IQGAP2: variants seen among roughly 807,000 people sequenced by gnomAD.
The protein encoded by IQGAP2 is ras GTPase-activating-like protein IQGAP2.
IQGAP2 carries 173 observed loss-of-function variants against 201.3 expected under a neutral mutation model. That is an observed-to-expected ratio of 0.86 (90% CI 0.76 to 0.98). IQGAP2 has a LOEUF of 0.98. IQGAP2 is among the 50% of genes least tolerant of loss of function. The pLI, the probability that IQGAP2 is intolerant of heterozygous loss-of-function variation, is 0.00. For missense variants in IQGAP2, 1,687 were observed against 1,864.8 expected, an observed-to-expected ratio of 0.90 and a Z score of 1.76; for synonymous variants, 675 against 673.9, an observed-to-expected ratio of 1.00 and a Z score of -0.03.
At chr5:76,459,325 A>G (rs749027395) in intron 1 of IQGAP2, among the ~76,000 whole-genome samples, 6 of 152,050 alleles carry the variant, frequency 3.9e-5, no homozygotes, top group Non-Finnish European at 8.8e-5. Context: ...GTGCAGCAGC[A>G]TAGGAAAGAT....
chr5:76,432,384 C>A (rs949450414), intron 1 of IQGAP2, among the ~76,000 whole-genome samples: 1 of 152,176 alleles, frequency 6.6e-6, no homozygotes, highest in East Asian at 1.9e-4. Flanking sequence ...CTCAGCTTCG[C>A]AAAGTTCTGG....
intron 35 of IQGAP2, among the ~76,000 whole-genome samples, chr5:76,703,442 C>T (rs532621662): frequency 6.6e-6 from 1 of 152,206 alleles, no homozygotes; most frequent in South Asian, 2.1e-4. Context: ...AGGCATTAGC[C>T]ACCACACCTG....
chr5:76,493,733 T>C (rs994159185), intron 2 of IQGAP2, among the ~76,000 whole-genome samples: 2 of 152,328 alleles, frequency 1.3e-5, no homozygotes, highest in Non-Finnish European at 2.9e-5. Flanking sequence ...TCTAGAACAG[T>C]GCCTGGTACA....
chr5:76,485,758 C>A (rs1260164783), intron 2 of IQGAP2, among the ~76,000 whole-genome samples: 2 of 152,184 alleles, frequency 1.3e-5, no homozygotes, highest in South Asian at 2.1e-4. Context: ...TACAGCCCCC[C>A]AGGTGTGGCT....
At chr5:76,471,464 T>C (rs752638921) in intron 2 of IQGAP2, among the ~76,000 whole-genome samples, 77 of 151,814 alleles carry the variant, frequency 5.1e-4, no homozygotes, top group Non-Finnish European at 9.0e-4. Context: ...CCATTGGCTA[T>C]ATTGGTGAGT....
At chr5:76,694,888 G>T (rs1260079627) in intron 31 of IQGAP2, among the ~76,000 whole-genome samples, 1 of 152,068 alleles carries the variant, frequency 6.6e-6, no homozygotes, top group Admixed American at 6.5e-5. Flanking sequence ...TCATCGTTTG[G>T]GAATTTATAA....
chr5:76,437,619 G>A (rs543101345), intron 1 of IQGAP2, among the ~76,000 whole-genome samples: 10 of 152,252 alleles, frequency 6.6e-5, no homozygotes, highest in East Asian at 3.9e-4. Context: ...AAGTGAGAAC[G>A]TGTGGTGTTT....
chr5:76,656,079 G>A (rs1173147963), intron 20 of IQGAP2, among the ~76,000 whole-genome samples: 3 of 152,112 alleles, frequency 2.0e-5, no homozygotes, highest in Admixed American at 6.5e-5. Context: ...ATCTAGGGAC[G>A]CTTGAAGTCC....
At chr5:76,481,149 A>G (rs1347967172) in intron 2 of IQGAP2, among the ~76,000 whole-genome samples, 1 of 152,146 alleles carries the variant, frequency 6.6e-6, no homozygotes, top group Non-Finnish European at 1.5e-5. Context: ...GTTTCAACAT[A>G]TGAATTTGGG....
chr5:76,688,331 G>C (rs1745968642), intron 30 of IQGAP2, among the ~76,000 whole-genome samples: 1 of 152,316 alleles, frequency 6.6e-6, no homozygotes, highest in Middle Eastern at 3.4e-3. Context: ...AATGTCACTA[G>C]TTTTCCAGTC....
intron 1 of IQGAP2, among the ~76,000 whole-genome samples, chr5:76,405,153 T>G (rs1750726780): frequency 6.6e-6 from 1 of 152,236 alleles, no homozygotes; most frequent in South Asian, 2.1e-4. Context: ...GAGCAATAAA[T>G]AGTGCAAAAT....
At chr5:76,526,327 C>CA (rs768515012) in intron 2 of IQGAP2, among the ~76,000 whole-genome samples, 5 of 152,196 alleles carry the variant, frequency 3.3e-5, no homozygotes, top group African/African-American at 4.8e-5. Context: ...ACACTTGCTA[C>CA]ACTTGCTGAG....
At chr5:76,424,932 C>T in intron 1 of IQGAP2, among the ~76,000 whole-genome samples, 1 of 152,298 alleles carries the variant, frequency 6.6e-6, no homozygotes, top group East Asian at 1.9e-4. Flanking sequence ...GAAGAGGAGA[C>T]AGGCTGTGCC....
intron 29 of IQGAP2, 138 bp downstream of exon 29, chr5:76,683,355 A>C (rs1745471288): frequency 1.7e-6 from 1 of 580,632 alleles, no homozygotes; most frequent in African/African-American, 1.9e-5. Context: ...AAGAATAACA[A>C]CTACACTTGC....
At chr5:76,438,698 C>A (rs557429144) in intron 1 of IQGAP2, among the ~76,000 whole-genome samples, 71 of 152,170 alleles carry the variant, frequency 4.7e-4, no homozygotes, top group Admixed American at 4.6e-4. Context: ...CCACCTTGGC[C>A]TCCCAAAGTG....
Position 76,701,134 on chromosome 5 carries a change from G to A in IQGAP2, c.4426G>A (p.Ala1476Thr). The A allele has an allele frequency of 1.2e-6, 2 of 1,614,206 alleles. No homozygotes were observed. The highest frequency in any genetic ancestry group is 1.7e-6 in the Non-Finnish European group (2 of 1,179,988). ...GKGEPKGAKR[A>T]KPVKYTAAKL... ...AGGAGAACCCAAAGGGGCGAAGAGAGCGAAGCCAGTGAAGTACACTGCAGC... is the reference window on the plus strand; with the variant it reads ...AGGAGAACCCAAAGGGGCGAAGAGAACGAAGCCAGTGAAGTACACTGCAGC... The change falls in exon 34 of 36, where the codon GCG becomes ACG. Residue 1476 changes from alanine to threonine, a missense_variant. Transcript: ENST00000274364.
At position 76,611,067 on chromosome 5, in the gene IQGAP2, C is replaced by T. The variant is rs1748362321; in HGVS notation, c.1405C>T (p.Pro469Ser). The T allele has an allele frequency of 6.2e-7, 1 of 1,613,626 alleles. No homozygotes were observed. The highest frequency in any genetic ancestry group is 1.7e-5 in the Admixed American group (1 of 59,956). Residue 469 changes from proline (P) to serine (S), a missense_variant, in exon 13 of 36, where the codon CCT (proline) becomes TCT (serine). Physicochemically the swap from Pro to Ser is moderately conservative, Grantham distance 74 (BLOSUM62 -1). Transcript: ENST00000274364. ...YINEAIDEGNPLRTLETLLLP... is the reference protein window; with the variant it reads ...YINEAIDEGNSLRTLETLLLP... ...CAATGAAGCTATTGATGAAGGGAAT[C>T]CTTTGAGGACTTTAGAAACTTTGCT...
chr5:76,509,984 C>CTTTTTTTTT (rs11331690), intron 2 of IQGAP2, among the ~76,000 whole-genome samples: 55 of 138,012 alleles, frequency 4.0e-4, no homozygotes, highest in African/African-American at 7.0e-4. Context: ...AATTTTCTTT[C>CTTTTTTTTT]TTTTTTTTTT....
intron 15 of IQGAP2, among the ~76,000 whole-genome samples, chr5:76,633,325 A>ATTC (rs1315070459): frequency 2.6e-5 from 4 of 152,200 alleles, no homozygotes; most frequent in African/African-American, 9.6e-5. Flanking sequence ...TCTTAACAAT[A>ATTC]TTCTGATCCA....
Sources: gnomAD v4.1 joint callset for allele counts (sites outside exome capture counted in the v4.1 genomes callset) on GRCh38, gnomAD v4.1.1 for gene constraint, MANE v1.5 for transcripts, NCBI Gene and HGNC (gene_info 2026-07-23, HGNC 2026-07-21) for gene names.